LRPAP1: variants seen among roughly 807,000 people sequenced by gnomAD.
LRPAP1 encodes LDL receptor related protein associated protein 1.
Under a neutral mutation model 39.9 loss-of-function variants are expected in LRPAP1, and 41 were observed. The ratio of observed to expected loss-of-function variants is 1.03; its 90% CI spans 0.80 to 1.33. The LOEUF is 1.33. LRPAP1 is among the 40% of genes most tolerant of loss of function. The probability of loss-of-function intolerance (pLI) is 0.00; values close to 1 mark genes in which losing one functional copy is unlikely to be tolerated. For synonymous variants in LRPAP1, 263 were observed against 212.7 expected (o/e 1.24, Z -2.06); for missense variants, 565 against 482.3 (o/e 1.17, Z -1.61).
chr4:3,518,890 C>T lies in LRPAP1; in HGVS notation c.573G>A (p.Glu191=). Residue 191 remains glutamate (E), a synonymous_variant, in exon 4 of 8, where the codon GAG becomes GAA. Coordinates refer to ENST00000650182, the MANE Select transcript of LRPAP1 (RefSeq NM_002337.4). ...GGGCACCTTCGGTCCTGCTCAGGGTCTCCAGCAGGACGTTGTACTCGTGAA... is the reference window on the plus strand; with the variant it reads ...GGGCACCTTCGGTCCTGCTCAGGGTTTCCAGCAGGACGTTGTACTCGTGAA... ...EKVHEYNVLL[E]TLSRTEEIHE... is the part of the protein sequence containing the mutation. The T allele has an allele frequency of 6.2e-7, 1 of 1,610,836 alleles. No homozygotes were observed. Among genetic ancestry groups the T allele is most frequent in the Non-Finnish European group, 8.5e-7 (1 of 1,179,074 alleles).
At chr4:3,519,990 G>A in intron 3 of LRPAP1, 82 bp downstream of exon 3, 4 of 1,545,750 alleles carry the variant, frequency 2.6e-6, no homozygotes, top group Non-Finnish European at 2.6e-6. Context: ...ATGCAGAGCA[G>A]AGACTGCCCC....
intron 7 of LRPAP1, 76 bp downstream of exon 7, chr4:3,514,676 C>T: frequency 1.3e-6 from 2 of 1,511,252 alleles, no homozygotes; most frequent in South Asian, 1.3e-5. Flanking sequence ...TACAGGAAGC[C>T]CTGAGCTGCA....
intron 1 of LRPAP1, 139 bp downstream of exon 1, chr4:3,532,070 G>T: frequency 1.1e-6 from 1 of 949,014 alleles, no homozygotes; most frequent in Non-Finnish European, 1.5e-6. Context: ...GGGGGAGGCT[G>T]TGCCAAGGAC....
Position 3,525,000 on chromosome 4 carries a change from G to C in LRPAP1, c.256C>G (p.Gln86Glu). 6.2e-7 allele frequency: 1 copy of C among 1,614,140 alleles called. No individual in the cohort carries two copies. The highest frequency in any genetic ancestry group is 8.5e-7 in the Non-Finnish European group (1 of 1,180,032). The change falls in exon 2 of 8, where the codon CAG (glutamine) becomes GAG (glutamate). Residue 86 changes from glutamine to glutamate, a missense_variant. By Grantham distance (29) the Gln-to-Glu change is conservative. Transcript: ENST00000650182. ...TTCCAGGCGAGTTCGTCCCTCTCCT[G>C]TATCTTCAGATCAGCGTGGAGCTCG... ...LAELHADLKI[Q>E]ERDELAWKKL...
intron 1 of LRPAP1, among the ~76,000 whole-genome samples, chr4:3,530,639 C>T (rs1383116616): frequency 2.0e-5 from 3 of 152,170 alleles, no homozygotes; most frequent in African/African-American, 4.8e-5. Context: ...ACTGGTCAGG[C>T]GAGCACCCAG....
rs368651014 is a variant in LRPAP1, at chr4:3,514,748, G to C, written c.1011+4C>G. ...GCCTCCCCGGTCCTGGAACCCGTGC[G>C]CACCGTGTAGCCCAGCTCCTTGGTC... On this transcript the variant is annotated splice_donor_region_variant and intron_variant, in intron 7 of 7. Coordinates refer to ENST00000650182, the MANE Select transcript of LRPAP1 (RefSeq NM_002337.4). 1.9e-6 allele frequency: 3 copies of C among 1,596,964 alleles called. No individual in the cohort carries two copies. The highest frequency in any genetic ancestry group is 2.6e-6 in the Non-Finnish European group (3 of 1,171,570).
Position 3,520,187 on chromosome 4 carries a change from AAGATGAC to A in LRPAP1, c.350-1_355del. ...CTTTCCGTCCAGACCATACTTGGCC[AAGATGAC>A]TAGGAGAGAGGGGAGGTTCTATTTG... On this transcript the variant is annotated splice_acceptor_variant and coding_sequence_variant, in exon 3 of 8. Transcript: ENST00000650182. LOFTEE classifies it high-confidence loss of function. 6.2e-7 allele frequency: 1 copy of A among 1,613,768 alleles called. No homozygotes were observed.
At chr4:3,531,108 C>T (rs1357005204) in intron 1 of LRPAP1, among the ~76,000 whole-genome samples, 1 of 152,150 alleles carries the variant, frequency 6.6e-6, no homozygotes, top group African/African-American at 2.4e-5. Flanking sequence ...AGAAGCCGCC[C>T]TGCCGCTCCA....
Position 3,505,644 on chromosome 4 carries a change from C to CTT in LRPAP1, c.*7329_*7330insAA, listed in dbSNP as rs1729330294. On this transcript the variant is annotated 3_prime_UTR_variant, in exon 8 of 8. Transcript: ENST00000650182. ...GCTACCCCAAGCCCGTCTATACCAGCTACCCCAAGACCGTCTATACCAGCT... is the reference window on the plus strand; with the variant it reads ...GCTACCCCAAGCCCGTCTATACCAGCTTTACCCCAAGACCGTCTATACCAGCT... Among the ~76,000 whole-genome samples, 4 of 151,972 alleles carry CTT rather than the reference C, an allele frequency of 2.6e-5. No homozygotes were observed. Among genetic ancestry groups the CTT allele is most frequent in the Admixed American group, 2.0e-4 (3 of 15,254 alleles).
chr4:3,509,263 C>T lies in LRPAP1; in HGVS notation c.*3711G>A, dbSNP rs536561568. On this transcript the variant is annotated 3_prime_UTR_variant, in exon 8 of 8. Coordinates refer to ENST00000650182, the MANE Select transcript of LRPAP1 (RefSeq NM_002337.4). ...GACTGGAGTCACACACGGCAGTCAACGCGTGGACACCGGAGACTGTTGAGA... is the reference window on the plus strand; with the variant it reads ...GACTGGAGTCACACACGGCAGTCAATGCGTGGACACCGGAGACTGTTGAGA... 26 of 145,614 alleles carry T rather than the reference C, an allele frequency of 1.8e-4. No individual in the cohort carries two copies. The highest frequency in any genetic ancestry group is 4.4e-4 in the African/African-American group (17 of 38,992). The allele number at this position is 145,614 out of a possible 1,614,324, so 9.0% of individuals were successfully genotyped here.
rs1386681360 is a variant in LRPAP1 at position 3,518,087 on chromosome 4, T to G, written c.698A>C (p.Gln233Pro). The G allele has an allele frequency of 6.2e-7, 1 of 1,613,096 alleles. No individual in the cohort carries two copies. Among genetic ancestry groups the G allele is most frequent in the Non-Finnish European group, 8.5e-7 (1 of 1,179,930 alleles). Residue 233 changes from glutamine (Q) to proline (P), a missense_variant, in exon 5 of 8, where the codon CAG (glutamine) becomes CCG (proline). Transcript: ENST00000650182. ...GACCCTGCGCAGGCGGTCCAGGCCC[T>G]GGTTGATGCTGCGCAGCTTCTCCTT... is the stretch of plus-strand genomic sequence containing the variant. The part of the protein sequence containing the change: ...ELKEKLRSIN[Q>P]GLDRLRRVSH...
rs1019360344 is a variant in LRPAP1 at position 3,507,864 on chromosome 4, C to G, written c.*5110G>C. ...AGGGGGAAAAGAAAACACAAATGGC[C>G]CAGAGCAGGAATGAGAATGGACATC... is the stretch of plus-strand genomic sequence containing the variant. On this transcript the variant is annotated 3_prime_UTR_variant, in exon 8 of 8. Coordinates refer to ENST00000650182, the MANE Select transcript of LRPAP1 (RefSeq NM_002337.4). The G allele has an allele frequency of 2.6e-5, 4 of 152,034 alleles. No homozygotes were observed. Among genetic ancestry groups the G allele is most frequent in the Non-Finnish European group, 4.4e-5 (3 of 68,012 alleles). The allele number at this position is 152,034 out of a possible 1,614,324, so 9.4% of individuals were successfully genotyped here. A position where few individuals can be genotyped will look rare whatever the true frequency, so the allele number is the denominator to read the frequency against.
chr4:3,525,458 T>TA (rs35905778), intron 1 of LRPAP1, among the ~76,000 whole-genome samples: 56,881 of 151,760 alleles, frequency 0.37, 11,452 homozygotes, highest in East Asian at 0.57. Context: ...AGTTCTTTTT[T>TA]AAAAAAAATC....
Position 3,518,146 on chromosome 4 carries a change from C to T in LRPAP1, c.639G>A (p.Lys213=), listed in dbSNP as rs1729780942. Residue 213 remains lysine (K), a synonymous_variant, in exon 5 of 8, where the codon AAG becomes AAA. Coordinates refer to ENST00000650182, the MANE Select transcript of LRPAP1 (RefSeq NM_002337.4). The part of the protein sequence containing the change: ...VISPSDLSDI[K]GSVLHSRHTE... ...TGTGCCTGCTGTGCAGGACGCTGCC[C>T]TTGATGTCGCTCAGGTCCGAGGGGC... The T allele has an allele frequency of 6.2e-7, 1 of 1,613,566 alleles. No homozygotes were observed. Among genetic ancestry groups the T allele is most frequent in the Admixed American group, 1.7e-5 (1 of 59,996 alleles).
intron 6 of LRPAP1, 116 bp downstream of exon 6, chr4:3,516,000 T>G (rs1388878646): frequency 4.8e-6 from 5 of 1,034,508 alleles, no homozygotes; most frequent in East Asian, 5.2e-5. Flanking sequence ...AGGAAGAAAC[T>G]GCGAGAATCT....
chr4:3,529,827 C>G (rs1178642790), intron 1 of LRPAP1, among the ~76,000 whole-genome samples: 1 of 152,234 alleles, frequency 6.6e-6, no homozygotes, highest in African/African-American at 2.4e-5. Context: ...TGACACACTA[C>G]GCAATCCTAT....
rs1729431254 is a variant in LRPAP1, at chr4:3,508,918, T to G, written c.*4056A>C. ...TGCAGTGAGAAGCCGAGGCACAGAC[T>G]GACAAGGGGAAGCAAAGCCACTGTC... is the stretch of plus-strand genomic sequence containing the variant. On this transcript the variant is annotated 3_prime_UTR_variant, in exon 8 of 8. Transcript: ENST00000650182. The G allele has an allele frequency of 6.6e-6, 1 of 151,364 alleles. No individual in the cohort carries two copies. Among genetic ancestry groups the G allele is most frequent in the Non-Finnish European group, 1.5e-5 (1 of 67,952 alleles). 9.4% of individuals were successfully genotyped at this position (151,364 alleles called of 1,614,324 possible). A position where few individuals can be genotyped will look rare whatever the true frequency, so the allele number is the denominator to read the frequency against.
At chr4:3,532,153 C>G in intron 1 of LRPAP1, 56 bp downstream of exon 1, 3 of 1,537,942 alleles carry the variant, frequency 2.0e-6, no homozygotes, top group Non-Finnish European at 2.6e-6. Context: ...CTCCAACGAC[C>G]CCAACCACGG....
chr4:3,503,707 A>G lies in LRPAP1; in HGVS notation c.*9267T>C, dbSNP rs1369615182. 2.6e-5 allele frequency: 4 copies of G among 152,272 alleles called. No individual in the cohort carries two copies. The allele number at this position is 152,272 out of a possible 1,614,324, so 9.4% of individuals were successfully genotyped here. On this transcript the variant is annotated 3_prime_UTR_variant, in exon 8 of 8. Coordinates refer to ENST00000650182, the MANE Select transcript of LRPAP1 (RefSeq NM_002337.4). ...TGGTTAGTGTGGTACGTTGAGGGAA[A>G]CTTATAACCTCACGCGCTTGTTTCA... is the stretch of plus-strand genomic sequence containing the variant.
Sources: allele counts gnomAD v4.1 joint callset (sites outside exome capture counted in the v4.1 genomes callset), GRCh38; gene constraint gnomAD v4.1.1; transcripts MANE v1.5; gene names NCBI Gene and HGNC (gene_info 2026-07-23, HGNC 2026-07-21).